The following CREB1 variants were observed in gnomAD, a reference collection of about 807,000 sequenced individuals.
CREB1 encodes cyclic AMP-responsive element-binding protein 1.
Under a neutral mutation model 42.0 loss-of-function variants are expected in CREB1, and 2 were observed. The ratio of observed to expected loss-of-function variants is 0.05; its 90% confidence interval spans 0.02 to 0.15. The LOEUF (loss-of-function observed/expected upper bound fraction) is 0.15. CREB1 is among the 10% of genes least tolerant of loss of function. The pLI, the probability that CREB1 is intolerant of heterozygous loss-of-function variation, is 1.00. For missense variants in CREB1, 199 were observed against 388.9 expected (o/e 0.51, Z 4.11); for synonymous variants, 123 against 139.9 (o/e 0.88, Z 0.85).
chr2:207,593,429 T>C (rs2085464922), intron 7 of CREB1, among the ~76,000 whole-genome samples: 1 of 151,954 alleles, frequency 6.6e-6, no homozygotes, highest in East Asian at 1.9e-4. Context: ...GCTGGGGAGG[T>C]TGAGGCAGGA....
intron 1 of CREB1, among the ~76,000 whole-genome samples, chr2:207,542,984 T>C (rs2081154670): frequency 6.6e-6 from 1 of 152,222 alleles, no homozygotes; most frequent in Non-Finnish European, 1.5e-5. Context: ...TCCCTTGGTA[T>C]CGATGGGGAA....
At chr2:207,572,662 A>G (rs944911045) in intron 5 of CREB1, among the ~76,000 whole-genome samples, 3 of 152,012 alleles carry the variant, frequency 2.0e-5, no homozygotes, top group African/African-American at 7.3e-5. Flanking sequence ...TAAAAATACA[A>G]AAAATTAGCC....
chr2:207,530,529 C>T (rs2080558134), intron 1 of CREB1, among the ~76,000 whole-genome samples: 1 of 143,536 alleles, frequency 7.0e-6, no homozygotes. Context: ...GGAGCCGCCC[C>T]GGGGGAGGCC....
intron 3 of CREB1, among the ~76,000 whole-genome samples, chr2:207,562,626 A>G (rs1559285501): frequency 1.3e-5 from 2 of 152,178 alleles, no homozygotes; most frequent in Admixed American, 1.3e-4. Flanking sequence ...TAGAGATACA[A>G]ATATAATATT....
At chr2:207,551,477 G>A (rs1207741831) in intron 1 of CREB1, among the ~76,000 whole-genome samples, 2 of 152,070 alleles carry the variant, frequency 1.3e-5, no homozygotes, top group Admixed American at 6.5e-5. Context: ...TCCACTAAGA[G>A]CCTTCATTGG....
chr2:207,571,656 C>T (rs925116949), intron 5 of CREB1: 21 of 436,318 alleles, frequency 4.8e-5, no homozygotes, highest in Non-Finnish European at 9.2e-5. Context: ...GTTGAAGCCT[C>T]ATACCAGATG....
intron 5 of CREB1, among the ~76,000 whole-genome samples, chr2:207,571,401 A>C (rs1175675002): frequency 6.6e-6 from 1 of 152,090 alleles, no homozygotes; most frequent in Non-Finnish European, 1.5e-5. Flanking sequence ...TTCCAGTTCA[A>C]CTTTGTTTTG....
chr2:207,541,097 G>A (rs982134263), intron 1 of CREB1, among the ~76,000 whole-genome samples: 6 of 152,088 alleles, frequency 3.9e-5, no homozygotes, highest in African/African-American at 1.4e-4. Flanking sequence ...GCAGGCGCCC[G>A]TAATCCCAGC....
At chr2:207,542,640 C>T (rs2081140513) in intron 1 of CREB1, among the ~76,000 whole-genome samples, 1 of 152,072 alleles carries the variant, frequency 6.6e-6, no homozygotes. Flanking sequence ...TCTTGAAGCA[C>T]AAAAGTTTTT....
intron 1 of CREB1, among the ~76,000 whole-genome samples, chr2:207,544,951 C>T (rs1053288285): frequency 3.3e-5 from 5 of 152,144 alleles, no homozygotes; most frequent in Admixed American, 3.3e-4. Context: ...ACCACATTTT[C>T]TTTAGTCTGT....
intron 3 of CREB1, among the ~76,000 whole-genome samples, chr2:207,566,319 G>A (rs748543549): frequency 1.3e-5 from 2 of 152,156 alleles, no homozygotes. Flanking sequence ...ATTGCCATAC[G>A]TTTTGACGTG....
At chr2:207,571,022 CTT>C (rs71036933) in intron 5 of CREB1, among the ~76,000 whole-genome samples, 1 of 68,420 alleles carries the variant, frequency 1.5e-5, no homozygotes, top group Non-Finnish European at 3.3e-5. Context: ...CTCTTTTTCC[CTT>C]TTTTTTTTTT....
chr2:207,597,885 T>A lies in CREB1; in HGVS notation c.*827T>A, dbSNP rs979925218. The stretch of plus-strand genomic sequence containing the variant: ...TAGTACTAAATTCTTAGTAAAATGC[T>A]GATCAGTAAACCAATCCCTTGAGTT... On this transcript the variant is annotated 3_prime_UTR_variant, in exon 8 of 8. Coordinates refer to ENST00000353267, the MANE Select transcript of CREB1 (RefSeq NM_004379.5). The A allele has an allele frequency of 5.3e-6, 1 of 189,028 alleles. No homozygotes were observed. Among genetic ancestry groups the A allele is most frequent in the African/African-American group, 2.3e-5 (1 of 42,958 alleles). 11.7% of individuals were successfully genotyped at this position (189,028 alleles called of 1,614,324 possible). A position where few individuals can be genotyped will look rare whatever the true frequency, so the allele number is the denominator to read the frequency against.
At chr2:207,596,617 A>G (rs1211206703) in intron 7 of CREB1, among the ~76,000 whole-genome samples, 1 of 152,268 alleles carries the variant, frequency 6.6e-6, no homozygotes, top group Non-Finnish European at 1.5e-5. Flanking sequence ...TGTTTATAGT[A>G]GAGAGGGGTT....
At position 207,603,116 on chromosome 2, in the gene CREB1, A is replaced by G; in HGVS notation, c.*6058A>G. On this transcript the variant is annotated 3_prime_UTR_variant, in exon 8 of 8. Transcript: ENST00000353267. Reference sequence around the variant, plus strand: ...TAAATAAATAACTATAATGAGGGAAATACATTTCTAATAAAATTCCCTACA... The same window carrying G: ...TAAATAAATAACTATAATGAGGGAAGTACATTTCTAATAAAATTCCCTACA... 1 of 211,172 alleles carries G rather than the reference A, an allele frequency of 4.7e-6. No individual in the cohort carries two copies. Among genetic ancestry groups the G allele is most frequent in the Non-Finnish European group, 9.6e-6 (1 of 104,140 alleles). 13.1% of individuals were successfully genotyped at this position (211,172 alleles called of 1,614,324 possible).
intron 5 of CREB1, among the ~76,000 whole-genome samples, chr2:207,571,022 C>CTTATTTTTTT (rs2082335804): frequency 1.5e-5 from 1 of 68,424 alleles, no homozygotes; most frequent in African/African-American, 3.9e-5. Context: ...CTCTTTTTCC[C>CTTATTTTTTT]TTTTTTTTTT....
chr2:207,576,547 A>C (rs2082607404), intron 6 of CREB1: 2 of 467,742 alleles, frequency 4.3e-6, no homozygotes, highest in South Asian at 3.8e-5. Flanking sequence ...TTTACAGAAT[A>C]TATTCTGTTA....
chr2:207,544,611 A>G (rs1007193467), intron 1 of CREB1, among the ~76,000 whole-genome samples: 8 of 152,266 alleles, frequency 5.3e-5, no homozygotes, highest in African/African-American at 1.9e-4. Flanking sequence ...GGTTTGTTAC[A>G]TAGGTAATCG....
intron 1 of CREB1, among the ~76,000 whole-genome samples, chr2:207,538,021 G>A (rs1184099844): frequency 1.3e-5 from 2 of 152,142 alleles, no homozygotes; most frequent in Admixed American, 1.3e-4. Context: ...TAGCCTGAAG[G>A]TAATTTTATA....
Sources: allele counts gnomAD v4.1 joint callset (sites outside exome capture counted in the v4.1 genomes callset), GRCh38; gene constraint gnomAD v4.1.1; transcripts MANE v1.5; gene names NCBI Gene and HGNC (gene_info 2026-07-23, HGNC 2026-07-21).